Variants in PAM observed in about 807,000 individuals in gnomAD.
The protein encoded by PAM is peptidylglycine alpha-amidating monooxygenase, also known as peptidyl-glycine alpha-amidating monooxygenase.
A neutral mutation model predicts 122.1 loss-of-function variants in PAM; 72 were observed. The ratio of observed to expected loss-of-function variants is 0.59; its 90% CI spans 0.49 to 0.72. The LOEUF (loss-of-function observed/expected upper bound fraction) is 0.72, where lower values mean the gene tolerates loss of function less well. PAM is among the 30% of genes least tolerant of loss of function. The pLI is 0.00. For missense variants in PAM, 1,106 were observed against 1,183.7 expected, an observed-to-expected ratio of 0.93 and a Z score of 0.96; for synonymous variants, 389 against 404.4, an observed-to-expected ratio of 0.96 and a Z score of 0.46.
At chr5:102,794,863 G>T (rs1408265477) in intron 1 of PAM, among the ~76,000 whole-genome samples, 2 of 152,032 alleles carry the variant, frequency 1.3e-5, no homozygotes, top group Non-Finnish European at 2.9e-5. Flanking sequence ...AGCATTAGCT[G>T]GTTGCTCCAA....
intron 14 of PAM, among the ~76,000 whole-genome samples, chr5:102,968,343 C>A (rs538381374): frequency 6.4e-4 from 98 of 152,262 alleles, no homozygotes; most frequent in Non-Finnish European, 9.8e-4. Context: ...TTCTGACCGT[C>A]TCCTTCAAAT....
At chr5:102,975,747 A>G (rs187146454) in intron 15 of PAM, among the ~76,000 whole-genome samples, 10 of 152,322 alleles carry the variant, frequency 6.6e-5, no homozygotes, top group African/African-American at 2.4e-4. Context: ...ATTGTAACCC[A>G]GACAACATGG....
chr5:102,805,319 C>T (rs1222082258), intron 1 of PAM, among the ~76,000 whole-genome samples: 2 of 152,146 alleles, frequency 1.3e-5, no homozygotes, highest in Non-Finnish European at 2.9e-5. Context: ...CTGCTCGCCT[C>T]AGCCTCCCAA....
At chr5:103,012,973 A>G (rs1209823868) in intron 21 of PAM, among the ~76,000 whole-genome samples, 2 of 152,042 alleles carry the variant, frequency 1.3e-5, no homozygotes, top group Non-Finnish European at 2.9e-5. Context: ...TTTTGGTTAC[A>G]TAGCTCTGTA....
At chr5:102,881,633 T>G (rs1468896478) in intron 3 of PAM, among the ~76,000 whole-genome samples, 1 of 151,834 alleles carries the variant, frequency 6.6e-6, no homozygotes. Flanking sequence ...ATATTGCCAT[T>G]ATATATTAAG....
intron 1 of PAM, among the ~76,000 whole-genome samples, chr5:102,843,387 G>C (rs1391472833): frequency 6.6e-6 from 1 of 152,078 alleles, no homozygotes; most frequent in African/African-American, 2.4e-5. Context: ...ATAGATCACA[G>C]AGTTAAATGT....
chr5:102,768,906 G>GT lies in PAM; in HGVS notation c.-374+13565dup, dbSNP rs1046974534. ...ATTACTGAATCTTATGGTAGCTCTA[G>GT]TTTTTTTGAGGAACCTCCAAACTTC... On this transcript the variant is annotated intron_variant, in intron 1 of 25. Transcript: ENST00000438793. 3.3e-5 allele frequency among the ~76,000 whole-genome samples: 5 copies of GT among 152,006 alleles called. No individual in the cohort carries two copies. The East Asian group carries it at 9.6e-4, about 29-fold the overall frequency.
intron 14 of PAM, among the ~76,000 whole-genome samples, chr5:102,967,806 T>C (rs1018742026): frequency 2.1e-5 from 3 of 143,436 alleles, no homozygotes. Flanking sequence ...CACTGCAACC[T>C]CCACCTCCCA....
At chr5:102,958,240 A>T (rs1486718640) in intron 12 of PAM, among the ~76,000 whole-genome samples, 1 of 152,188 alleles carries the variant, frequency 6.6e-6, no homozygotes, top group Non-Finnish European at 1.5e-5. Context: ...TTATTATATG[A>T]ATTTAAAATG....
Position 102,901,420 on chromosome 5 carries a change from A to G in PAM, c.268+7A>G, listed in dbSNP as rs1339330608. The stretch of plus-strand genomic sequence containing the variant: ...GATGAGGAAGCCTTCGTGAGTAAGT[A>G]TTAATTGGATTGGGGGAGTAGCAGT... On this transcript the variant is annotated splice_region_variant and intron_variant, in intron 4 of 25. Transcript: ENST00000438793. The G allele has an allele frequency of 1.3e-6, 2 of 1,503,850 alleles. No individual in the cohort carries two copies. The highest frequency in any genetic ancestry group is 1.8e-6 in the Non-Finnish European group (2 of 1,081,238). 93.2% of individuals were successfully genotyped at this position (1,503,850 alleles called of 1,614,324 possible).
rs1467735282 is a variant in PAM, at chr5:102,773,710, ATTAAC to A, written c.-374+18366_-374+18370del. Among the ~76,000 whole-genome samples the A allele has an allele frequency of 6.6e-5, 10 of 152,168 alleles. No homozygotes were observed. In the South Asian group the frequency reaches 1.2e-3, roughly 19 times the overall value. On this transcript the variant is annotated intron_variant, in intron 1 of 25. Transcript: ENST00000438793. Reference sequence around the variant, plus strand: ...CTTTTTATTTTTAATTCATTAGTTAATTAACTTATTTACTTTTTATTAACTTTTAT... The same window carrying A: ...CTTTTTATTTTTAATTCATTAGTTAATTATTTACTTTTTATTAACTTTTAT...
intron 18 of PAM, among the ~76,000 whole-genome samples, chr5:103,006,168 C>T (rs1778908228): frequency 6.6e-6 from 1 of 152,096 alleles, no homozygotes; most frequent in East Asian, 1.9e-4. Flanking sequence ...AATTCCTGGA[C>T]TCATGCAATC....
intron 10 of PAM, 67 bp from the exon 11 acceptor site, chr5:102,949,835 G>T: frequency 1.1e-6 from 1 of 871,490 alleles, no homozygotes; most frequent in Non-Finnish European, 1.9e-6. Flanking sequence ...AAGTAGGAAA[G>T]TAAATATGCC....
rs112707331 is a variant in PAM, at chr5:102,758,361, A to G, written c.-374+3013A>G. Among the ~76,000 whole-genome samples the G allele has an allele frequency of 1.1e-4, 17 of 152,008 alleles. 1 individual carries two copies. The highest frequency in any genetic ancestry group is 4.1e-4 in the African/African-American group (17 of 41,448). ...CTGAGGGACATAATGTTAACTTTACACTTGGCTTTATTGTTCCATACCTTT... is the reference window on the plus strand; with the variant it reads ...CTGAGGGACATAATGTTAACTTTACGCTTGGCTTTATTGTTCCATACCTTT... On this transcript the variant is annotated intron_variant, in intron 1 of 25. Transcript: ENST00000438793.
chr5:102,778,943 A>G (rs1319756493), intron 1 of PAM, among the ~76,000 whole-genome samples: 1 of 152,204 alleles, frequency 6.6e-6, no homozygotes, highest in East Asian at 1.9e-4. Flanking sequence ...TAGTATGAAT[A>G]TAAGATCAGA....
intron 22 of PAM, among the ~76,000 whole-genome samples, chr5:103,018,248 G>C (rs1266403042): frequency 6.6e-6 from 1 of 151,762 alleles, no homozygotes. Flanking sequence ...GGTAGTTTTA[G>C]ATAAAGGACA....
chr5:103,008,130 CT>C (rs921187078), intron 20 of PAM, among the ~76,000 whole-genome samples: 2 of 151,828 alleles, frequency 1.3e-5, no homozygotes, highest in Non-Finnish European at 2.9e-5. Flanking sequence ...AAATCTTGAA[CT>C]TTTTTCTCAT....
In PAM at chr5:103,005,232, C is replaced by G. The variant is rs1358395420; in HGVS notation, c.1803+6C>G. 1 of 1,177,176 alleles carries G rather than the reference C, an allele frequency of 8.5e-7. No individual in the cohort carries two copies. Among genetic ancestry groups the G allele is most frequent in the Non-Finnish European group, 1.3e-6 (1 of 783,114 alleles). 72.9% of individuals were successfully genotyped at this position (1,177,176 alleles called of 1,614,324 possible). On this transcript the variant is annotated splice_donor_region_variant and intron_variant, in intron 18 of 25. Coordinates refer to ENST00000438793, the MANE Select transcript of PAM (RefSeq NM_001177306.2). ...CAGACGTGGCTCTCCATCAGGTAGT[C>G]TTCCTTTTGGTAATATTCAAATTAG...
intron 1 of PAM, among the ~76,000 whole-genome samples, chr5:102,775,659 A>AT (rs1756970538): frequency 6.6e-6 from 1 of 152,146 alleles, no homozygotes; most frequent in Non-Finnish European, 1.5e-5. Flanking sequence ...GTCCCTGCAA[A>AT]GGACATGATC....
Sources: allele counts gnomAD v4.1 joint callset (sites outside exome capture counted in the v4.1 genomes callset), GRCh38; gene constraint gnomAD v4.1.1; transcripts MANE v1.5; gene names NCBI Gene and HGNC (gene_info 2026-07-23, HGNC 2026-07-21).